TSPAN3: variants seen among roughly 807,000 people sequenced by gnomAD.
TSPAN3 encodes tetraspanin-3.
TSPAN3 carries 9 observed loss-of-function variants against 31.1 expected under a neutral mutation model. The ratio of observed to expected loss-of-function variants is 0.29; its 90% CI spans 0.17 to 0.50. TSPAN3 has a LOEUF of 0.50. Among genes scored for constraint, TSPAN3 ranks in the 20% least tolerant of loss-of-function variants. The pLI is 0.98. For missense variants in TSPAN3, 252 were observed against 313.5 expected, an observed-to-expected ratio of 0.80 and a Z score of 1.48; for synonymous variants, 129 against 114.3, an observed-to-expected ratio of 1.13 and a Z score of -0.82.
At chr15:77,047,265 T>C (rs1443182050) in intron 6 of TSPAN3, among the ~76,000 whole-genome samples, 1 of 152,238 alleles carries the variant, frequency 6.6e-6, no homozygotes, top group Middle Eastern at 3.2e-3. Context: ...TGTGGCCTCA[T>C]GTGACTACTG....
chr15:77,054,339 G>C, intron 3 of TSPAN3, 60 bp from the exon 4 acceptor site: 1 of 1,169,292 alleles, frequency 8.6e-7, no homozygotes, highest in Non-Finnish European at 1.3e-6. Context: ...CATTAGTCAA[G>C]GCTCCTACTA....
rs146229066 is a variant in TSPAN3, at chr15:77,070,582, CG to C, written c.63+309del. Among the ~76,000 whole-genome samples, 338 of 149,202 alleles carry C rather than the reference CG, an allele frequency of 2.3e-3. 1 individual carries two copies. The highest frequency in any genetic ancestry group is 6.1e-3 in the African/African-American group (249 of 41,048). ...GCGCTCTCCGTCCAGCCGGCGACTC[CG>C]GGGGGGGGAGACTGGGGCGCCTGGC... On this transcript the variant is annotated intron_variant, in intron 1 of 6. Transcript: ENST00000267970.
At chr15:77,046,948 T>A in intron 6 of TSPAN3, 21 bp from the exon 7 acceptor site, 1 of 1,555,076 alleles carries the variant, frequency 6.4e-7, no homozygotes, top group Non-Finnish European at 8.7e-7. Context: ...AAAACAACAA[T>A]GGGGAAAAAA....
chr15:77,049,769 CATAA>C (rs926377367), intron 6 of TSPAN3, among the ~76,000 whole-genome samples: 1 of 152,152 alleles, frequency 6.6e-6, no homozygotes, highest in African/African-American at 2.4e-5. Flanking sequence ...AGGGCCATAT[CATAA>C]ATATTTTAGG....
chr15:77,069,064 T>C (rs1379110017), intron 1 of TSPAN3, among the ~76,000 whole-genome samples: 5 of 152,202 alleles, frequency 3.3e-5, no homozygotes, highest in African/African-American at 1.2e-4. Flanking sequence ...TGCCAAGAAA[T>C]AGTATTCTTC....
At position 77,071,100 on chromosome 15, in the gene TSPAN3, C is replaced by G; in HGVS notation, c.-146G>C. 1 of 438,122 alleles carries G rather than the reference C, an allele frequency of 2.3e-6. No individual in the cohort carries two copies. Among genetic ancestry groups the G allele is most frequent in the South Asian group, 8.3e-5 (1 of 12,050 alleles). 27.1% of individuals were successfully genotyped at this position (438,122 alleles called of 1,614,324 possible). A position where few individuals can be genotyped will look rare whatever the true frequency, so the allele number is the denominator to read the frequency against. On this transcript the variant is annotated 5_prime_UTR_variant, in exon 1 of 7. Coordinates refer to ENST00000267970, the MANE Select transcript of TSPAN3 (RefSeq NM_005724.6). ...CCCTGCGCCGTCGCGCAGCCCCGACCCCAGCAAGTGCCTCGCTCCTCCGCG... is the reference window on the plus strand; with the variant it reads ...CCCTGCGCCGTCGCGCAGCCCCGACGCCAGCAAGTGCCTCGCTCCTCCGCG...
At chr15:77,052,695 G>C in intron 5 of TSPAN3, 82 bp downstream of exon 5, 1 of 1,492,948 alleles carries the variant, frequency 6.7e-7, no homozygotes, top group Non-Finnish European at 9.1e-7. Context: ...CAAGGTGGCA[G>C]AAAAGAAGTC....
intron 1 of TSPAN3, among the ~76,000 whole-genome samples, chr15:77,059,748 G>A (rs1027261029): frequency 4.6e-5 from 7 of 152,050 alleles, no homozygotes; most frequent in Non-Finnish European, 7.4e-5. Context: ...ATGTAAATTC[G>A]AATGAAAATA....
chr15:77,042,347 G>A lies in TSPAN3; in HGVS notation c.*4488C>T, dbSNP rs948316286. 3 of 152,126 alleles carry A rather than the reference G, an allele frequency of 2.0e-5. No homozygotes were observed. The highest frequency in any genetic ancestry group is 7.2e-5 in the African/African-American group (3 of 41,404). 9.4% of individuals were successfully genotyped at this position (152,126 alleles called of 1,614,324 possible). On this transcript the variant is annotated 3_prime_UTR_variant, in exon 7 of 7. Transcript: ENST00000267970. Reference sequence around the variant, plus strand: ...GACAAGCTCTGTCAATCATCTATAGGACAAGAAGCAAAGACACCCCAGCTG... The same window carrying A: ...GACAAGCTCTGTCAATCATCTATAGAACAAGAAGCAAAGACACCCCAGCTG...
intron 6 of TSPAN3, among the ~76,000 whole-genome samples, chr15:77,048,211 T>C (rs2152694972): frequency 6.6e-6 from 1 of 152,340 alleles, no homozygotes; most frequent in South Asian, 2.1e-4. Context: ...AAGTACCTAA[T>C]TCCTAGAGAA....
chr15:77,055,743 T>G (rs1465788744), intron 3 of TSPAN3, 46 bp downstream of exon 3: 2 of 1,485,770 alleles, frequency 1.3e-6, no homozygotes, highest in Non-Finnish European at 1.8e-6. Flanking sequence ...TTGAAACACT[T>G]AAACCACCTT....
chr15:77,064,176 A>G (rs900405863), intron 1 of TSPAN3: 14 of 152,164 alleles, frequency 9.2e-5, no homozygotes, highest in African/African-American at 3.4e-4. Context: ...GAGGAAGAAG[A>G]TATGTCAATA....
At chr15:77,054,905 A>ACT in intron 3 of TSPAN3, 1 of 152,382 alleles carries the variant, frequency 6.6e-6, no homozygotes, top group East Asian at 1.9e-4. Flanking sequence ...ATCACTTAGT[A>ACT]AAGTTTGCTT....
chr15:77,060,280 A>C (rs1175198285), intron 1 of TSPAN3, among the ~76,000 whole-genome samples: 2 of 152,216 alleles, frequency 1.3e-5, no homozygotes, highest in Non-Finnish European at 2.9e-5. Context: ...GTGTTTCCTA[A>C]ATTGAAAACA....
intron 2 of TSPAN3, 53 bp from the exon 3 acceptor site, chr15:77,055,916 T>C: frequency 6.4e-7 from 1 of 1,557,206 alleles, no homozygotes; most frequent in Non-Finnish European, 8.7e-7. Flanking sequence ...TAACTTTAAA[T>C]ACACTCTTGA....
At chr15:77,054,908 G>C (rs969472517) in intron 3 of TSPAN3, 1 of 152,216 alleles carries the variant, frequency 6.6e-6, no homozygotes, top group Non-Finnish European at 1.5e-5. Flanking sequence ...ACTTAGTAAA[G>C]TTTGCTTGTA....
chr15:77,068,995 T>C (rs1260346114), intron 1 of TSPAN3, among the ~76,000 whole-genome samples: 4 of 152,244 alleles, frequency 2.6e-5, no homozygotes, highest in African/African-American at 4.8e-5. Context: ...CCTTTGGGTA[T>C]GTACCCAGTA....
Position 77,041,907 on chromosome 15 carries a change from T to C in TSPAN3, c.*4928A>G, listed in dbSNP as rs990571939. The C allele has an allele frequency of 2.6e-5, 4 of 152,216 alleles. No individual in the cohort carries two copies. The highest frequency in any genetic ancestry group is 6.5e-5 in the Admixed American group (1 of 15,276). The allele number at this position is 152,216 out of a possible 1,614,324, so 9.4% of individuals were successfully genotyped here. A position where few individuals can be genotyped will look rare whatever the true frequency, so the allele number is the denominator to read the frequency against. ...ATAAAAATTGTTTTCATTTTAAAAA[T>C]TGTAAATGACTGCAGTGTGTGTATA... On this transcript the variant is annotated 3_prime_UTR_variant, in exon 7 of 7. Coordinates refer to ENST00000267970, the MANE Select transcript of TSPAN3 (RefSeq NM_005724.6).
chr15:77,056,080 C>T lies in TSPAN3; in HGVS notation c.239G>A (p.Arg80His), dbSNP rs1480834474. 2.5e-6 allele frequency: 4 copies of T among 1,608,502 alleles called. No homozygotes were observed. Among genetic ancestry groups the T allele is most frequent in the Admixed American group, 1.7e-5 (1 of 59,022 alleles). ...ACATCTTACCGTGGCAAGTCCACAGCGACTTTCCCGGATTGTGGCACAGCA... is the reference window on the plus strand; with the variant it reads ...ACATCTTACCGTGGCAAGTCCACAGTGACTTTCCCGGATTGTGGCACAGCA... ...IGCCATIRES[R>H]CGLATFVIIL... Residue 80 changes from arginine to histidine, a missense_variant, in exon 2 of 7, where the codon CGC (arginine) becomes CAC (histidine). Arg to His is a conservative substitution (Grantham distance 29, BLOSUM62 0). Transcript: ENST00000267970.
Sources: allele counts gnomAD v4.1 joint callset (sites outside exome capture counted in the v4.1 genomes callset), GRCh38; gene constraint gnomAD v4.1.1; transcripts MANE v1.5; gene names NCBI Gene and HGNC (gene_info 2026-07-23, HGNC 2026-07-21).